Variants in KIAA1549 observed in about 807,000 individuals in gnomAD.
KIAA1549 encodes KIAA1549.
Under a neutral mutation model 156.4 loss-of-function variants are expected in KIAA1549, and 70 were observed. The observed-to-expected ratio is 0.45, with a 90% CI of 0.37 to 0.55. KIAA1549 has a LOEUF of 0.55. Ranked by LOEUF, KIAA1549 falls within the 20% of genes least tolerant of loss-of-function variation. The probability of loss-of-function intolerance (pLI) is 0.00; values close to 1 mark genes in which losing one functional copy is unlikely to be tolerated. For synonymous variants in KIAA1549, 1,103 were observed against 1,066.4 expected (o/e 1.03, Z -0.67); for missense variants, 2,428 against 2,540.9 (o/e 0.96, Z 0.96).
chr7:138,862,380 T>C (rs1810610855), intron 15 of KIAA1549, among the ~76,000 whole-genome samples: 1 of 151,920 alleles, frequency 6.6e-6, no homozygotes, highest in South Asian at 2.1e-4. Flanking sequence ...GGTGAGCACC[T>C]GCAGTGCCAG....
chr7:138,876,477 T>C (rs137985334), intron 12 of KIAA1549: 1 of 152,372 alleles, frequency 6.6e-6, no homozygotes, highest in African/African-American at 2.4e-5. Context: ...GCAAGCTCCT[T>C]AGCACATGCA....
At chr7:138,878,899 C>T (rs1397329073) in intron 12 of KIAA1549, among the ~76,000 whole-genome samples, 2 of 152,126 alleles carry the variant, frequency 1.3e-5, no homozygotes, top group African/African-American at 4.8e-5. Context: ...ACCTGTTACA[C>T]TAAAAACAAG....
In KIAA1549 at chr7:138,917,208, T is replaced by A; in HGVS notation, c.2418A>T (p.Ser806=). 1.2e-5 allele frequency: 19 copies of A among 1,613,796 alleles called. No homozygotes were observed. Among genetic ancestry groups the A allele is most frequent in the Non-Finnish European group, 1.6e-5 (19 of 1,179,856 alleles). ...TPILTESSLF[S]TLTPPDDQIS... ...TTTGGTCGTCAGGAGGTGTCAGAGT[T>A]GAGAACAAAGAAGACTCAGTTAAAA... The change falls in exon 2 of 20, where the codon TCA becomes TCT. Residue 806 remains serine (S), a synonymous_variant. Coordinates refer to ENST00000422774, the MANE Select transcript of KIAA1549 (RefSeq NM_001164665.2).
At chr7:138,863,434 G>A (rs925131762) in intron 15 of KIAA1549, among the ~76,000 whole-genome samples, 1 of 151,916 alleles carries the variant, frequency 6.6e-6, no homozygotes, top group Admixed American at 6.6e-5. Flanking sequence ...TGCTTCTAAC[G>A]GGTGATCAGT....
chr7:138,898,340 G>C (rs1051557314), intron 9 of KIAA1549, among the ~76,000 whole-genome samples: 1 of 151,128 alleles, frequency 6.6e-6, no homozygotes, highest in East Asian at 1.9e-4. Context: ...AAATCTGTGA[G>C]GTGGAAAGGA....
intron 15 of KIAA1549, among the ~76,000 whole-genome samples, chr7:138,862,894 C>G (rs985840047): frequency 1.3e-5 from 2 of 152,122 alleles, no homozygotes; most frequent in Non-Finnish European, 2.9e-5. Context: ...TGCACTCTTG[C>G]ACTCCAGCCT....
At chr7:138,914,588 G>A (rs1030619292) in intron 2 of KIAA1549, among the ~76,000 whole-genome samples, 1 of 152,056 alleles carries the variant, frequency 6.6e-6, no homozygotes, top group African/African-American at 2.4e-5. Context: ...TCTCACTAAC[G>A]GACAACCATG....
intron 1 of KIAA1549, among the ~76,000 whole-genome samples, chr7:138,947,479 C>T (rs921286855): frequency 1.3e-5 from 2 of 152,098 alleles, no homozygotes; most frequent in Non-Finnish European, 2.9e-5. Context: ...CTGCCTGGGT[C>T]CACACTCCAT....
rs564225582 is a variant in KIAA1549, at chr7:138,837,474, T to C, written c.*432A>G. 1 of 266,848 alleles carries C rather than the reference T, an allele frequency of 3.7e-6. No individual in the cohort carries two copies. Among genetic ancestry groups the C allele is most frequent in the South Asian group, 1.6e-4 (1 of 6,270 alleles). The allele number at this position is 266,848 out of a possible 1,614,324, so 16.5% of individuals were successfully genotyped here. On this transcript the variant is annotated 3_prime_UTR_variant, in exon 20 of 20. Transcript: ENST00000422774. ...GAAAAATTAAGCTGTTAATAAAATG[T>C]CTTCAAACCTCTTCTCAGAAAACAA... is the stretch of plus-strand genomic sequence containing the variant.
At chr7:138,840,385 A>G in intron 18 of KIAA1549, 107 bp from the exon 19 acceptor site, 1 of 951,218 alleles carries the variant, frequency 1.1e-6, no homozygotes, top group East Asian at 2.7e-5. Flanking sequence ...TACACTCCTT[A>G]ATGACAAGGG....
chr7:138,887,907 C>T (rs565740009), intron 10 of KIAA1549, among the ~76,000 whole-genome samples: 8 of 152,262 alleles, frequency 5.3e-5, no homozygotes, highest in East Asian at 1.9e-4. Flanking sequence ...ATAGCTTCCC[C>T]TCGACCATCT....
intron 1 of KIAA1549, among the ~76,000 whole-genome samples, chr7:138,952,912 T>C (rs1813541879): frequency 6.6e-6 from 1 of 152,218 alleles, no homozygotes; most frequent in African/African-American, 2.4e-5. Flanking sequence ...CAAGTGAGTC[T>C]AGACTGAATA....
At chr7:138,921,930 T>C (rs1468151441) in intron 1 of KIAA1549, among the ~76,000 whole-genome samples, 7 of 152,016 alleles carry the variant, frequency 4.6e-5, no homozygotes, top group Admixed American at 3.9e-4. Context: ...GAGAACACCA[T>C]GTGAAGATGA....
At chr7:138,960,031 CA>C in intron 1 of KIAA1549, among the ~76,000 whole-genome samples, 1 of 152,324 alleles carries the variant, frequency 6.6e-6, no homozygotes, top group Non-Finnish European at 1.5e-5. Flanking sequence ...ATTAGAGTGA[CA>C]GCCCAACTCC....
chr7:138,851,336 T>G (rs1389698110), intron 17 of KIAA1549, among the ~76,000 whole-genome samples: 2 of 152,132 alleles, frequency 1.3e-5, no homozygotes. Flanking sequence ...CATTCTTTAG[T>G]GAGCCTAGAA....
chr7:138,848,012 T>C (rs1810129227), intron 17 of KIAA1549, among the ~76,000 whole-genome samples: 1 of 152,254 alleles, frequency 6.6e-6, no homozygotes. Context: ...TAAAACAGAT[T>C]TTTGTATACT....
intron 1 of KIAA1549, among the ~76,000 whole-genome samples, chr7:138,966,732 A>G (rs1282614904): frequency 6.6e-6 from 1 of 152,006 alleles, no homozygotes; most frequent in Non-Finnish European, 1.5e-5. Flanking sequence ...ACACCCTCAC[A>G]GGCACACCCA....
chr7:138,861,414 C>G lies in KIAA1549; in HGVS notation c.4972G>C (p.Val1658Leu). 6.2e-7 allele frequency: 1 copy of G among 1,612,336 alleles called. No homozygotes were observed. Among genetic ancestry groups the G allele is most frequent in the Non-Finnish European group, 8.5e-7 (1 of 1,179,408 alleles). The part of the protein sequence containing the change: ...LPADVQTPSS[V>L]ELGRYPALPF... ...AGGGCTGGATACCTCCCCAGTTCCACCGAGGATGGTGTCTGCACATCGGCT... is the reference window on the plus strand; with the variant it reads ...AGGGCTGGATACCTCCCCAGTTCCAGCGAGGATGGTGTCTGCACATCGGCT... The change falls in exon 16 of 20, where the codon GTG (valine) becomes CTG (leucine). Residue 1658 changes from valine (V) to leucine (L), a missense_variant. This residue lies in a region of KIAA1549 where 404 missense variants were observed against 417.0 expected (regional missense o/e 0.97). Transcript: ENST00000422774.
chr7:138,851,420 T>C (rs566716674), intron 17 of KIAA1549, among the ~76,000 whole-genome samples: 1 of 152,328 alleles, frequency 6.6e-6, no homozygotes, highest in Admixed American at 6.5e-5. Context: ...CAATGGACCT[T>C]ATCTCCATAT....
Sources: gnomAD v4.1 joint callset for allele counts (sites outside exome capture counted in the v4.1 genomes callset) on GRCh38, gnomAD v4.1.1 for gene constraint, gnomAD v4.1.1 regional missense constraint, MANE v1.5 for transcripts, NCBI Gene and HGNC (gene_info 2026-07-23, HGNC 2026-07-21) for gene names.